The following DSCAM variants were observed in gnomAD, a reference collection of about 807,000 sequenced individuals.
The protein encoded by DSCAM is DS cell adhesion molecule.
A neutral mutation model predicts 217.7 loss-of-function variants in DSCAM; 47 were observed. That is an observed-to-expected ratio of 0.22 (90% CI 0.17 to 0.28). The LOEUF is 0.28. Ranked by LOEUF, DSCAM falls within the 10% of genes least tolerant of loss-of-function variation. The probability of loss-of-function intolerance (pLI) is 1.00; values close to 1 mark genes in which losing one functional copy is unlikely to be tolerated. For synonymous variants in DSCAM, 1,056 were observed against 1,015.3 expected (o/e 1.04, Z -0.76); for missense variants, 2,080 against 2,618.3 (o/e 0.79, Z 4.49).
intron 3 of DSCAM, among the ~76,000 whole-genome samples, chr21:40,494,512 A>T (rs796152470): frequency 6.6e-6 from 1 of 152,174 alleles, no homozygotes; most frequent in South Asian, 2.1e-4. Flanking sequence ...AGAAGAAATT[A>T]ATAGGTCATT....
chr21:40,694,402 A>G (rs1445464545), intron 2 of DSCAM, among the ~76,000 whole-genome samples: 1 of 152,222 alleles, frequency 6.6e-6, no homozygotes, highest in Non-Finnish European at 1.5e-5. Context: ...ACAAAGCTAA[A>G]GGTGAATTTC....
At chr21:40,281,571 A>G (rs1377998637) in intron 10 of DSCAM, among the ~76,000 whole-genome samples, 1 of 152,208 alleles carries the variant, frequency 6.6e-6, no homozygotes, top group Non-Finnish European at 1.5e-5. Context: ...CCATATTTAC[A>G]ATAAACTGCC....
chr21:40,463,509 T>C (rs552480803), intron 3 of DSCAM, among the ~76,000 whole-genome samples: 1 of 152,286 alleles, frequency 6.6e-6, no homozygotes, highest in East Asian at 1.9e-4. Flanking sequence ...ATCAGCAGCA[T>C]AGGCTCTGAT....
intron 11 of DSCAM, among the ~76,000 whole-genome samples, chr21:40,214,070 C>T (rs993767023): frequency 4.6e-5 from 7 of 152,170 alleles, no homozygotes; most frequent in South Asian, 4.1e-4. Flanking sequence ...ACACACGAAG[C>T]GAGACATCAG....
chr21:40,389,711 G>A (rs947820955), intron 3 of DSCAM, among the ~76,000 whole-genome samples: 12 of 152,202 alleles, frequency 7.9e-5, no homozygotes, highest in Non-Finnish European at 7.4e-5. Context: ...TGTTACCATC[G>A]CAGAATGGAC....
chr21:40,760,210 G>A (rs966150532), intron 1 of DSCAM, among the ~76,000 whole-genome samples: 2 of 151,908 alleles, frequency 1.3e-5, no homozygotes, highest in Non-Finnish European at 2.9e-5. Flanking sequence ...GAGAGACGGG[G>A]TTTCACCACG....
At chr21:40,727,505 T>C (rs572853066) in intron 1 of DSCAM, among the ~76,000 whole-genome samples, 8 of 152,304 alleles carry the variant, frequency 5.3e-5, no homozygotes, top group African/African-American at 1.7e-4. Context: ...AACCCAAACA[T>C]GTGGGTGCTT....
chr21:40,765,618 G>A (rs1310986835), intron 1 of DSCAM, among the ~76,000 whole-genome samples: 1 of 152,142 alleles, frequency 6.6e-6, no homozygotes, highest in Non-Finnish European at 1.5e-5. Flanking sequence ...ATTGCAGGTA[G>A]GCTATGACCC....
intron 27 of DSCAM, among the ~76,000 whole-genome samples, chr21:40,068,442 T>C (rs1314123706): frequency 1.3e-5 from 2 of 152,310 alleles, no homozygotes; most frequent in African/African-American, 2.4e-5. Context: ...TCTCTGTATA[T>C]AATATATACA....
chr21:40,290,931 G>A (rs2073884237), intron 10 of DSCAM, among the ~76,000 whole-genome samples: 2 of 152,216 alleles, frequency 1.3e-5, no homozygotes, highest in African/African-American at 4.8e-5. Context: ...GAGGGTCTAA[G>A]CTCTGACAAT....
At chr21:40,609,825 T>C (rs1172671584) in intron 3 of DSCAM, among the ~76,000 whole-genome samples, 6 of 152,234 alleles carry the variant, frequency 3.9e-5, no homozygotes, top group South Asian at 4.1e-4. Flanking sequence ...AGGCAGGCCT[T>C]GCCTGGGAAA....
At chr21:40,070,318 TAGAAGGAA>T (rs2089274858) in intron 27 of DSCAM, among the ~76,000 whole-genome samples, 2 of 61,110 alleles carry the variant, frequency 3.3e-5, no homozygotes, top group Non-Finnish European at 6.6e-5. Context: ...GAAGGAAGGA[TAGAAGGAA>T]AGAAGGAAGG....
intron 11 of DSCAM, 86 bp from the exon 12 acceptor site, chr21:40,189,324 A>G (rs1021786352): frequency 1.9e-6 from 2 of 1,065,920 alleles, no homozygotes; most frequent in East Asian, 5.6e-5. Flanking sequence ...ACCATGCTTC[A>G]AGAGATATTT....
intron 3 of DSCAM, among the ~76,000 whole-genome samples, chr21:40,408,254 G>A (rs1405363235): frequency 6.6e-6 from 1 of 152,090 alleles, no homozygotes; most frequent in Non-Finnish European, 1.5e-5. Flanking sequence ...TGGATGATGA[G>A]AAAGAAAGAA....
chr21:40,292,998 A>C (rs2073912864), intron 10 of DSCAM, among the ~76,000 whole-genome samples: 1 of 152,234 alleles, frequency 6.6e-6, no homozygotes, highest in Non-Finnish European at 1.5e-5. Flanking sequence ...GGCCTCCCAA[A>C]GTGCTGGGAT....
At chr21:40,751,522 G>A in intron 1 of DSCAM, among the ~76,000 whole-genome samples, 1 of 152,252 alleles carries the variant, frequency 6.6e-6, no homozygotes, top group African/African-American at 2.4e-5. Flanking sequence ...GCAATAATGT[G>A]GAGAACAAAG....
In DSCAM at chr21:40,019,433, T is replaced by C. The variant is rs549791824; in HGVS notation, c.5687-6047A>G. Among the ~76,000 whole-genome samples, 11 of 152,306 alleles carry C rather than the reference T, an allele frequency of 7.2e-5. No homozygotes were observed. In the South Asian group the frequency reaches 2.3e-3, roughly 32 times the overall value. On this transcript the variant is annotated intron_variant, in intron 32 of 32. Coordinates refer to ENST00000400454, the MANE Select transcript of DSCAM (RefSeq NM_001389.5). ...TTCCTTATCCATAAAATGGGAGTAA[T>C]AGCAGAATCTAGCATAGAGGGCTGT... is the stretch of plus-strand genomic sequence containing the variant.
intron 7 of DSCAM, 125 bp downstream of exon 7, chr21:40,338,994 A>C: frequency 1.7e-6 from 2 of 1,201,342 alleles, no homozygotes; most frequent in Non-Finnish European, 2.3e-6. Context: ...AGGAGAGGGT[A>C]GGAAATGGGA....
chr21:40,124,411 G>T, intron 19 of DSCAM, 83 bp from the exon 20 acceptor site: 4 of 1,551,622 alleles, frequency 2.6e-6, no homozygotes, highest in Admixed American at 1.7e-5. Flanking sequence ...ACCCCACTCC[G>T]CACTTACTGT....
Sources: gnomAD v4.1 joint callset for allele counts (sites outside exome capture counted in the v4.1 genomes callset) on GRCh38, gnomAD v4.1.1 for gene constraint, MANE v1.5 for transcripts, NCBI Gene and HGNC (gene_info 2026-07-23, HGNC 2026-07-21) for gene names.